The following GRID2 variants were observed in gnomAD, a reference collection of about 807,000 sequenced individuals.
The protein encoded by GRID2 is glutamate ionotropic receptor delta type subunit 2, also known as glutamate receptor ionotropic, delta-2.
A neutral mutation model predicts 114.8 loss-of-function variants in GRID2; 33 were observed. The observed-to-expected ratio is 0.29, with a 90% CI of 0.22 to 0.38. The LOEUF (loss-of-function observed/expected upper bound fraction) is 0.38, where lower values mean the gene tolerates loss of function less well. Ranked by LOEUF, GRID2 falls within the 10% of genes least tolerant of loss-of-function variation. The pLI is 1.00. For synonymous variants in GRID2, 505 were observed against 449.9 expected, an observed-to-expected ratio of 1.12 and a Z score of -1.55; for missense variants, 1,184 against 1,257.7, an observed-to-expected ratio of 0.94 and a Z score of 0.89.
At chr4:92,389,966 A>G (rs1391935433) in intron 1 of GRID2, among the ~76,000 whole-genome samples, 1 of 152,152 alleles carries the variant, frequency 6.6e-6, no homozygotes. Flanking sequence ...ATTACAAAAT[A>G]GAAATTCTGG....
chr4:92,622,674 T>A (rs1432527263), intron 2 of GRID2, among the ~76,000 whole-genome samples: 1 of 151,760 alleles, frequency 6.6e-6, no homozygotes, highest in Admixed American at 6.6e-5. Flanking sequence ...TATTTACCAC[T>A]TGGTCTGGAT....
At chr4:93,369,454 C>G (rs900469377) in intron 8 of GRID2, among the ~76,000 whole-genome samples, 5 of 152,096 alleles carry the variant, frequency 3.3e-5, no homozygotes, top group African/African-American at 1.2e-4. Flanking sequence ...ATGATTTAAC[C>G]TACTACAAAA....
intron 2 of GRID2, among the ~76,000 whole-genome samples, chr4:93,062,242 A>T (rs529880205): frequency 1.2e-4 from 18 of 152,246 alleles, no homozygotes; most frequent in Admixed American, 7.9e-4. Flanking sequence ...TTAACTTGGG[A>T]ATATAATTTG....
chr4:92,775,958 TCTG>T (rs1247320496), intron 2 of GRID2, among the ~76,000 whole-genome samples: 2 of 152,154 alleles, frequency 1.3e-5, no homozygotes, highest in Non-Finnish European at 2.9e-5. Flanking sequence ...AATGAGTAAT[TCTG>T]CAGGTAGATT....
chr4:93,072,758 G>A (rs1311560097), intron 2 of GRID2, among the ~76,000 whole-genome samples: 1 of 151,888 alleles, frequency 6.6e-6, no homozygotes, highest in African/African-American at 2.4e-5. Flanking sequence ...CTGGATACTA[G>A]TCTATTTTAT....
chr4:92,927,537 C>G (rs966131342), intron 2 of GRID2, among the ~76,000 whole-genome samples: 2 of 151,704 alleles, frequency 1.3e-5, no homozygotes, highest in Non-Finnish European at 2.9e-5. Context: ...ATCCTAGGTA[C>G]AAAAAATCAT....
intron 2 of GRID2, among the ~76,000 whole-genome samples, chr4:92,808,927 T>C (rs1384806532): frequency 6.6e-6 from 1 of 151,894 alleles, no homozygotes; most frequent in East Asian, 1.9e-4. Context: ...TCAAAGGATA[T>C]CCTAGATGAG....
chr4:92,681,331 T>A (rs1733638725), intron 2 of GRID2, among the ~76,000 whole-genome samples: 1 of 152,152 alleles, frequency 6.6e-6, no homozygotes, highest in African/African-American at 2.4e-5. Flanking sequence ...TGGGTGTGGA[T>A]CATGAACCTA....
Position 92,424,670 on chromosome 4 carries a change from A to T in GRID2, c.88+119926A>T, listed in dbSNP as rs557269435. On this transcript the variant is annotated intron_variant, in intron 1 of 15. Coordinates refer to ENST00000282020, the MANE Select transcript of GRID2 (RefSeq NM_001510.4). ...AGAAATAAAAATCTCAACATCAATAAGTGAGTCAATTTAACAATATTTCTC... is the reference window on the plus strand; with the variant it reads ...AGAAATAAAAATCTCAACATCAATATGTGAGTCAATTTAACAATATTTCTC... 3.9e-5 allele frequency among the ~76,000 whole-genome samples: 6 copies of T among 151,926 alleles called. No individual in the cohort carries two copies. The South Asian group carries it at 1.2e-3, about 32-fold the overall frequency.
At chr4:92,817,491 A>G (rs1188509987) in intron 2 of GRID2, among the ~76,000 whole-genome samples, 2 of 152,134 alleles carry the variant, frequency 1.3e-5, no homozygotes, top group Non-Finnish European at 2.9e-5. Context: ...CTGTCTAGCC[A>G]TATCTCTCAT....
chr4:92,896,013 T>A (rs1485041272), intron 2 of GRID2, among the ~76,000 whole-genome samples: 1 of 152,218 alleles, frequency 6.6e-6, no homozygotes, highest in Non-Finnish European at 1.5e-5. Flanking sequence ...GAATTATTTT[T>A]GATTTAGGGA....
At chr4:93,041,399 C>T (rs1304581011) in intron 2 of GRID2, among the ~76,000 whole-genome samples, 1 of 152,138 alleles carries the variant, frequency 6.6e-6, no homozygotes, top group African/African-American at 2.4e-5. Context: ...CTTCTTTAAA[C>T]TTGTTAATAC....
At chr4:93,579,243 G>A (rs984439064) in intron 13 of GRID2, among the ~76,000 whole-genome samples, 5 of 152,012 alleles carry the variant, frequency 3.3e-5, no homozygotes, top group African/African-American at 7.2e-5. Flanking sequence ...ATTCCAAACC[G>A]TTTTTCTCCT....
chr4:93,140,243 A>C (rs62308220), intron 4 of GRID2, among the ~76,000 whole-genome samples: 1 of 146,472 alleles, frequency 6.8e-6, no homozygotes, highest in African/African-American at 2.5e-5. Context: ...ACTGCAAGCT[A>C]CGCCTCCCGG....
At chr4:92,941,711 T>C (rs1014666340) in intron 2 of GRID2, among the ~76,000 whole-genome samples, 4 of 152,196 alleles carry the variant, frequency 2.6e-5, no homozygotes, top group African/African-American at 9.7e-5. Context: ...CATTGAGTGC[T>C]GCAAATTTCC....
intron 2 of GRID2, among the ~76,000 whole-genome samples, chr4:92,672,350 C>T (rs540023581): frequency 5.9e-5 from 9 of 152,224 alleles, no homozygotes; most frequent in East Asian, 1.9e-4. Flanking sequence ...ATTTTCAGCT[C>T]TAATACCATT....
chr4:92,856,140 C>T (rs1744163708), intron 2 of GRID2, among the ~76,000 whole-genome samples: 1 of 152,030 alleles, frequency 6.6e-6, no homozygotes, highest in African/African-American at 2.4e-5. Context: ...TTTAAGACAG[C>T]TGGGTCTACA....
chr4:92,918,442 G>T (rs1300474207), intron 2 of GRID2, among the ~76,000 whole-genome samples: 1 of 152,116 alleles, frequency 6.6e-6, no homozygotes, highest in Non-Finnish European at 1.5e-5. Context: ...TTTTCAAAGG[G>T]AATGCTTCCA....
intron 10 of GRID2, among the ~76,000 whole-genome samples, chr4:93,430,168 A>ATT (rs1325944076): frequency 6.6e-6 from 1 of 151,944 alleles, no homozygotes; most frequent in Non-Finnish European, 1.5e-5. Flanking sequence ...CTTTATAAAT[A>ATT]TTTTATTTTA....
Sources: allele counts gnomAD v4.1 joint callset (sites outside exome capture counted in the v4.1 genomes callset), GRCh38; gene constraint gnomAD v4.1.1; transcripts MANE v1.5; gene names NCBI Gene and HGNC (gene_info 2026-07-23, HGNC 2026-07-21).